Variants in RBM45 observed in about 807,000 individuals in gnomAD.
RBM45 encodes the protein RNA binding motif protein 45, also known as RNA-binding protein 45.
Under a neutral mutation model 58.5 loss-of-function variants are expected in RBM45, and 39 were observed. The observed-to-expected ratio is 0.67, with a 90% CI of 0.52 to 0.87. The LOEUF (loss-of-function observed/expected upper bound fraction) is 0.87, where lower values mean the gene tolerates loss of function less well. Among genes scored for constraint, RBM45 ranks in the 40% least tolerant of loss-of-function variants. RBM45 has a pLI of 0.00. For synonymous variants in RBM45, 193 were observed against 203.0 expected (o/e 0.95, Z 0.42); for missense variants, 481 against 581.6 (o/e 0.83, Z 1.78).
At chr2:178,136,672 G>A (rs1038626742) in exon 4 of RBM45, 5 of 152,250 alleles carry the variant, frequency 3.3e-5, no homozygotes, top group Non-Finnish European at 2.9e-5. Context: ...GGTCGGGGGG[G>A]TGCGGAATGT....
chr2:178,127,994 CTTTTTTTTTTTTTT>C (rs3067447), intron 9 of RBM45, among the ~76,000 whole-genome samples: 3 of 72,514 alleles, frequency 4.1e-5, no homozygotes, highest in African/African-American at 5.4e-5. Flanking sequence ...TCTCTACGCC[CTTTTTTTTTTTTTT>C]TTTTTTTTTT....
rs764567804 is a variant in RBM45, at chr2:178,116,781, C to T, written c.423+397C>T. On this transcript the variant is annotated intron_variant, in intron 2 of 9. Transcript: ENST00000286070. ...ATTTCAAAGCACGCTTTTATCACTC[C>T]CCTCTATTGCCTGGCATGTAGAGGC... Among the ~76,000 whole-genome samples, 47 of 151,908 alleles carry T rather than the reference C, an allele frequency of 3.1e-4. 1 individual carries two copies. The highest frequency in any genetic ancestry group is 3.9e-4 in the East Asian group (2 of 5,170).
chr2:178,120,947 G>T, intron 4 of RBM45: 1 of 344,790 alleles, frequency 2.9e-6, no homozygotes, highest in Non-Finnish European at 5.2e-6. Context: ...ACTTCTTTCT[G>T]TGAAATTAGA....
chr2:178,117,661 ATAC>A (rs1355469400), intron 2 of RBM45, among the ~76,000 whole-genome samples: 3 of 152,384 alleles, frequency 2.0e-5, no homozygotes, highest in African/African-American at 7.2e-5. Flanking sequence ...TGTGAGGTAG[ATAC>A]TACTGCTAGC....
intron 8 of RBM45, among the ~76,000 whole-genome samples, chr2:178,124,538 G>C (rs1478541908): frequency 6.6e-6 from 1 of 152,178 alleles, no homozygotes; most frequent in Non-Finnish European, 1.5e-5. Context: ...AGTGGGCCTG[G>C]TGCAGTGGCT....
At chr2:178,125,036 G>C (rs1015184172) in intron 8 of RBM45, among the ~76,000 whole-genome samples, 1 of 152,038 alleles carries the variant, frequency 6.6e-6, no homozygotes. Flanking sequence ...TGCCTTACAA[G>C]AATGTTAGTG....
Position 178,123,667 on chromosome 2 carries a change from G to T in RBM45, c.983+16G>T, listed in dbSNP as rs1183039910. On this transcript the variant is annotated intron_variant, in intron 6 of 9. Transcript: ENST00000286070. ...ATGCAACAGAGTAAGTACCATTCCA[G>T]GAGTGTCTAAAGCCGAGCTTTGAGT... 1 of 1,595,688 alleles carries T rather than the reference G, an allele frequency of 6.3e-7. No individual in the cohort carries two copies. Among genetic ancestry groups the T allele is most frequent in the South Asian group, 1.2e-5 (1 of 86,826 alleles).
Position 178,112,644 on chromosome 2 carries a change from G to A in RBM45, c.98G>A (p.Ser33Asn). 4 of 1,614,228 alleles carry A rather than the reference G, an allele frequency of 2.5e-6. No homozygotes were observed. Among genetic ancestry groups the A allele is most frequent in the Non-Finnish European group, 3.4e-6 (4 of 1,180,024 alleles). Residue 33 changes from serine (S) to asparagine (N), a missense_variant, in exon 1 of 10, where the codon AGC (serine) becomes AAC (asparagine). Transcript: ENST00000286070. ...PPNSRIFLVI[S>N]KYTPESVLRE... is the part of the protein sequence containing the mutation. ...AACAGCCGCATCTTCCTTGTGATCA[G>A]CAAGTACACACCTGAGTCGGTGCTG...
At chr2:178,115,813 C>T (rs1426003666) in intron 1 of RBM45, among the ~76,000 whole-genome samples, 1 of 152,068 alleles carries the variant, frequency 6.6e-6, no homozygotes. Context: ...AGTAGAAATA[C>T]ATTTGGGAAA....
At chr2:178,129,992 A>AT (rs2087989601), downstream of RBM45, among the ~76,000 whole-genome samples, 3 of 151,970 alleles carry the variant, frequency 2.0e-5, no homozygotes, top group South Asian at 6.2e-4. Context: ...TTTGTACTGT[A>AT]TTTTTTTTAG....
intron 4 of RBM45, 48 bp from the exon 5 acceptor site, chr2:178,121,132 T>A (rs938420016): frequency 1.1e-6 from 1 of 907,392 alleles, no homozygotes; most frequent in Admixed American, 2.4e-5. Context: ...AAGCGAATTG[T>A]TGGCTGTGTA....
chr2:178,112,462 G>A lies in RBM45; in HGVS notation c.-85G>A. On this transcript the variant is annotated 5_prime_UTR_variant, in exon 1 of 10. Coordinates refer to ENST00000286070, the MANE Select transcript of RBM45 (RefSeq NM_152945.4). ...CTCCCGGAAGCGGAGCACCGAGCCG[G>A]CAAAGGCTTGGGTGTGAGACAGCAG... 7.6e-7 allele frequency: 1 copy of A among 1,316,808 alleles called. No individual in the cohort carries two copies. The highest frequency in any genetic ancestry group is 1.1e-6 in the Non-Finnish European group (1 of 947,768). The allele number at this position is 1,316,808 out of a possible 1,614,324, so 81.6% of individuals were successfully genotyped here.
chr2:178,127,993 C>CA (rs1559082303), intron 9 of RBM45, among the ~76,000 whole-genome samples: 4 of 104,882 alleles, frequency 3.8e-5, no homozygotes, highest in African/African-American at 1.2e-4. Context: ...GTCTCTACGC[C>CA]CTTTTTTTTT....
chr2:178,121,737 C>G (rs756204629), intron 5 of RBM45, among the ~76,000 whole-genome samples: 12 of 152,074 alleles, frequency 7.9e-5, no homozygotes, highest in Non-Finnish European at 1.3e-4. Context: ...AGTTACGAAA[C>G]TCACAAAATT....
chr2:178,124,115 A>G lies in RBM45; in HGVS notation c.1069-12A>G. ...CATTTTTTTCTTTTTCTTGTTTTCT[A>G]CCTGTTAACAGCAATTTGGAGGAAG... On this transcript the variant is annotated splice_polypyrimidine_tract_variant and intron_variant, in intron 7 of 9. Transcript: ENST00000286070. 7 of 1,576,836 alleles carry G rather than the reference A, an allele frequency of 4.4e-6. No homozygotes were observed. The highest frequency in any genetic ancestry group is 6.0e-6 in the Non-Finnish European group (7 of 1,168,010).
chr2:178,112,978 C>G (rs1003027119), intron 1 of RBM45, 132 bp downstream of exon 1: 13 of 967,606 alleles, frequency 1.3e-5, no homozygotes, highest in Non-Finnish European at 2.0e-5. Context: ...CAGCACCTGG[C>G]TTGGGGACAG....
rs1349394152 is a variant in RBM45, at chr2:178,123,893, C to A, written c.1049C>A (p.Pro350Gln). Reference protein sequence around the residue: ...AQLASMVWNNPSQQQFMQFGG... With the variant: ...AQLASMVWNNQSQQQFMQFGG... Reference sequence around the variant, plus strand: ...CTTGCATCAATGGTGTGGAATAACCCAAGTCAGCAACAATTTATGGTAAGT... The same window carrying A: ...CTTGCATCAATGGTGTGGAATAACCAAAGTCAGCAACAATTTATGGTAAGT... The change falls in exon 7 of 10, where the codon CCA (proline) becomes CAA (glutamine). Residue 350 changes from proline to glutamine, a missense_variant. Coordinates refer to ENST00000286070, the MANE Select transcript of RBM45 (RefSeq NM_152945.4). 3 of 1,613,714 alleles carry A rather than the reference C, an allele frequency of 1.9e-6. No individual in the cohort carries two copies. In the African/African-American group the frequency reaches 4.0e-5, roughly 22 times the overall value.
chr2:178,117,036 A>G (rs2087785941), intron 2 of RBM45, among the ~76,000 whole-genome samples: 1 of 152,206 alleles, frequency 6.6e-6, no homozygotes, highest in South Asian at 2.1e-4. Context: ...TAACTTATGC[A>G]GTGATGAGCT....
rs1187812867 is a variant in RBM45 at position 178,112,728 on chromosome 2, A to G, written c.182A>G (p.His61Arg). The G allele has an allele frequency of 6.2e-7, 1 of 1,614,168 alleles. No individual in the cohort carries two copies. ...GACATCTGGGTGGTGCGGGACAAGC[A>G]CACCAAGGAGTCCAAGGGCATTGCT... ...IQDIWVVRDK[H>R]TKESKGIAFV... The change falls in exon 1 of 10, where the codon CAC (histidine) becomes CGC (arginine). Residue 61 changes from histidine to arginine, a missense_variant. By Grantham distance (29) the His-to-Arg change is conservative. Coordinates refer to ENST00000286070, the MANE Select transcript of RBM45 (RefSeq NM_152945.4).
Sources: gnomAD v4.1 joint callset for allele counts (sites outside exome capture counted in the v4.1 genomes callset) on GRCh38, gnomAD v4.1.1 for gene constraint, MANE v1.5 for transcripts, NCBI Gene and HGNC (gene_info 2026-07-23, HGNC 2026-07-21) for gene names.